RNF150: variants seen among roughly 807,000 people sequenced by gnomAD.
RNF150 encodes the protein ring finger protein 150.
RNF150 carries 24 observed loss-of-function variants against 39.3 expected under a neutral mutation model. The ratio of observed to expected loss-of-function variants is 0.61; its 90% CI spans 0.44 to 0.86. The LOEUF (loss-of-function observed/expected upper bound fraction) is 0.86, where lower values mean the gene tolerates loss of function less well. Ranked by LOEUF, RNF150 falls within the 40% of genes least tolerant of loss-of-function variation. The probability of loss-of-function intolerance (pLI) is 0.00; values close to 1 mark genes in which losing one functional copy is unlikely to be tolerated. For synonymous variants in RNF150, 255 were observed against 227.3 expected (o/e 1.12, Z -1.10); for missense variants, 502 against 587.8 (o/e 0.85, Z 1.51).
intron 1 of RNF150, among the ~76,000 whole-genome samples, chr4:140,974,831 T>C (rs1048199021): frequency 5.3e-5 from 8 of 152,202 alleles, no homozygotes; most frequent in African/African-American, 1.9e-4. Context: ...TCCCATATTT[T>C]AGTGCTCTTT....
At chr4:141,023,595 A>T (rs1178368186) in intron 1 of RNF150, among the ~76,000 whole-genome samples, 1 of 152,058 alleles carries the variant, frequency 6.6e-6, no homozygotes, top group Admixed American at 6.6e-5. Context: ...ATATATGCAA[A>T]ATATTATATC....
At chr4:141,044,968 A>T (rs554614846) in intron 1 of RNF150, among the ~76,000 whole-genome samples, 2 of 152,342 alleles carry the variant, frequency 1.3e-5, no homozygotes, top group African/African-American at 4.8e-5. Context: ...CCATGTGCCA[A>T]GGCATTGAGC....
intron 5 of RNF150, among the ~76,000 whole-genome samples, chr4:140,914,045 T>A (rs1309124111): frequency 1.3e-5 from 2 of 152,234 alleles, no homozygotes; most frequent in Non-Finnish European, 2.9e-5. Flanking sequence ...TCATATGCAA[T>A]AATAATGGAC....
chr4:140,922,323 T>C (rs1731190490), intron 5 of RNF150, among the ~76,000 whole-genome samples: 1 of 150,160 alleles, frequency 6.7e-6, no homozygotes, highest in South Asian at 2.2e-4. Context: ...TATACACCAA[T>C]AAGAGACAAA....
intron 1 of RNF150, among the ~76,000 whole-genome samples, chr4:141,161,187 C>A (rs1277802031): frequency 6.6e-6 from 1 of 152,128 alleles, no homozygotes; most frequent in Non-Finnish European, 1.5e-5. Flanking sequence ...AGATGAGGAA[C>A]TTATTGAGAA....
chr4:140,947,632 A>T (rs899082118), intron 4 of RNF150, 22 bp downstream of exon 4: 3 of 1,597,328 alleles, frequency 1.9e-6, no homozygotes, highest in Non-Finnish European at 1.7e-6. Context: ...CCCAATCAAA[A>T]GCAGGCAGCC....
At chr4:141,148,394 A>G (rs376518198) in intron 1 of RNF150, among the ~76,000 whole-genome samples, 3 of 152,210 alleles carry the variant, frequency 2.0e-5, no homozygotes, top group African/African-American at 7.2e-5. Context: ...ACATGTTTTT[A>G]TTTCTGTCAG....
At chr4:141,112,641 C>A (rs1404332370) in intron 1 of RNF150, among the ~76,000 whole-genome samples, 1 of 152,166 alleles carries the variant, frequency 6.6e-6, no homozygotes, top group Non-Finnish European at 1.5e-5. Flanking sequence ...AATCTTCTCT[C>A]TGGCTGCCCT....
chr4:141,195,974 C>T (rs575984508), intron 1 of RNF150, among the ~76,000 whole-genome samples: 54 of 152,244 alleles, frequency 3.5e-4, no homozygotes, highest in South Asian at 6.2e-4. Context: ...TTATGGGCTT[C>T]TCCAAGTAAT....
intron 1 of RNF150, among the ~76,000 whole-genome samples, chr4:141,207,026 CCTT>C (rs34918467): frequency 0.22 from 33,253 of 151,884 alleles, 3,858 homozygotes; most frequent in South Asian, 0.32. Flanking sequence ...GCCAGTCTCA[CCTT>C]CTTCTGTCTG....
chr4:140,967,997 C>A, intron 1 of RNF150, 124 bp from the exon 2 acceptor site: 2 of 853,290 alleles, frequency 2.3e-6, no homozygotes, highest in Non-Finnish European at 3.6e-6. Flanking sequence ...GAATTCTGTG[C>A]TGGGCTAAGA....
chr4:141,015,883 G>T (rs1297728353), intron 1 of RNF150, among the ~76,000 whole-genome samples: 2 of 152,068 alleles, frequency 1.3e-5, no homozygotes, highest in African/African-American at 4.8e-5. Flanking sequence ...CCAGAGTTCT[G>T]GGATATTCAG....
rs200582970 is a variant in RNF150 at position 140,907,421 on chromosome 4, TC to T, written c.1198+3722del. 7.8e-3 allele frequency among the ~76,000 whole-genome samples: 1,189 copies of T among 152,334 alleles called. 8 individuals are homozygous for T. The highest frequency in any genetic ancestry group is 0.024 in the Middle Eastern group (7 of 294). ...CTGTAAATGTTTTTCATTTTTTTTTTCCTGGGAGCTGAAGATGATCCTTTAA... is the reference window on the plus strand; with the variant it reads ...CTGTAAATGTTTTTCATTTTTTTTTTCTGGGAGCTGAAGATGATCCTTTAA... On this transcript the variant is annotated intron_variant, in intron 6 of 6. Transcript: ENST00000515673.
At chr4:141,163,592 G>T (rs1578774894) in intron 1 of RNF150, among the ~76,000 whole-genome samples, 1 of 152,212 alleles carries the variant, frequency 6.6e-6, no homozygotes, top group African/African-American at 2.4e-5. Context: ...CTCGGATGAA[G>T]CTTCCAGAGG....
chr4:140,935,760 C>T (rs558305998), intron 4 of RNF150, among the ~76,000 whole-genome samples: 2 of 152,114 alleles, frequency 1.3e-5, no homozygotes, highest in South Asian at 4.1e-4. Flanking sequence ...TATTGCATAG[C>T]TTCTTTGGTA....
In RNF150 at chr4:141,035,750, A is replaced by G. The variant is rs1244302426; in HGVS notation, c.485-67877T>C. 2.0e-5 allele frequency among the ~76,000 whole-genome samples: 3 copies of G among 152,190 alleles called. No individual in the cohort carries two copies. In the East Asian group the frequency reaches 5.8e-4, roughly 29 times the overall value. On this transcript the variant is annotated intron_variant, in intron 1 of 6. Transcript: ENST00000515673. ...GCTTCACAGCCAAAAAAGAGAATAA[A>G]TATTAAAATAATGGTATGTGGAAAA...
intron 4 of RNF150, among the ~76,000 whole-genome samples, chr4:140,927,288 T>C (rs1044333630): frequency 5.9e-5 from 9 of 152,220 alleles, no homozygotes; most frequent in Non-Finnish European, 1.0e-4. Flanking sequence ...TTGTTGAAGA[T>C]GCCCTGCAGA....
intron 1 of RNF150, among the ~76,000 whole-genome samples, chr4:141,067,056 G>A (rs1447927004): frequency 2.6e-5 from 4 of 152,012 alleles, no homozygotes; most frequent in African/African-American, 4.8e-5. Context: ...ATACAGAAAA[G>A]GTACAATTAA....
intron 1 of RNF150, among the ~76,000 whole-genome samples, chr4:141,061,677 A>G (rs1248222470): frequency 2.0e-5 from 3 of 152,196 alleles, no homozygotes; most frequent in Non-Finnish European, 4.4e-5. Flanking sequence ...CTTTGCTTCC[A>G]AGGAAGCCTT....
Sources: gnomAD v4.1 joint callset for allele counts (sites outside exome capture counted in the v4.1 genomes callset) on GRCh38, gnomAD v4.1.1 for gene constraint, MANE v1.5 for transcripts, NCBI Gene and HGNC (gene_info 2026-07-23, HGNC 2026-07-21) for gene names.